IL17RC: variants seen among roughly 807,000 people sequenced by gnomAD.
IL17RC encodes interleukin 17 receptor C.
IL17RC carries 53 observed loss-of-function variants against 86.7 expected under a neutral mutation model. The observed-to-expected ratio is 0.61, with a 90% confidence interval of 0.49 to 0.77. The LOEUF (loss-of-function observed/expected upper bound fraction) is 0.77, where lower values mean the gene tolerates loss of function less well. IL17RC is among the 30% of genes least tolerant of loss of function. The pLI, the probability that IL17RC is intolerant of heterozygous loss-of-function variation, is 0.00. For missense variants in IL17RC, 957 were observed against 940.0 expected, an observed-to-expected ratio of 1.02 and a Z score of -0.24; for synonymous variants, 439 against 413.1, an observed-to-expected ratio of 1.06 and a Z score of -0.76.
chr3:9,928,955 T>C (rs752940282), intron 12 of IL17RC: 2 of 333,322 alleles, frequency 6.0e-6, no homozygotes, highest in South Asian at 6.2e-5. Context: ...ATTATTGCTA[T>C]CCTTATTCTA....
In IL17RC at chr3:9,921,624, CTTTTTT is replaced by C. The variant is rs113901070; in HGVS notation, c.622+668_622+673del. 5.9e-5 allele frequency among the ~76,000 whole-genome samples: 8 copies of C among 135,706 alleles called. No individual in the cohort carries two copies. In the South Asian group the frequency reaches 1.8e-3, roughly 31 times the overall value. The allele number at this position is 135,706 out of a possible 152,430, so 89.0% of individuals were successfully genotyped here. On this transcript the variant is annotated intron_variant, in intron 7 of 18. Transcript: ENST00000403601. ...AAAGTATGTAAAGGGTACTGATTTT[CTTTTTT>C]TTTTTTTTTTTTGAGACAGAGTCTC...
At position 9,918,057 on chromosome 3, in the gene IL17RC, G is replaced by A; in HGVS notation, c.262G>A (p.Val88Ile). 1 of 1,587,068 alleles carries A rather than the reference G, an allele frequency of 6.3e-7. No individual in the cohort carries two copies. ...CTGTGACCTCTGTCTGCGTGTGGCT[G>A]TCCACTTGGCCGTGCATGGTGAGCA... ...TDCDLCLRVA[V>I]HLAVHGHWEE... Residue 88 changes from valine (V) to isoleucine (I), a missense_variant, in exon 3 of 19, where the codon GTC becomes ATC. Val to Ile is a conservative substitution (Grantham distance 29). Coordinates refer to ENST00000403601, the MANE Select transcript of IL17RC (RefSeq NM_153460.4).
chr3:9,920,611 AC>A lies in IL17RC; in HGVS notation c.577+14del. The A allele has an allele frequency of 1.3e-6, 2 of 1,567,444 alleles. No homozygotes were observed. Among genetic ancestry groups the A allele is most frequent in the Non-Finnish European group, 1.7e-6 (2 of 1,145,536 alleles). On this transcript the variant is annotated intron_variant, in intron 6 of 18. Transcript: ENST00000403601. ...CACACAGCAGCTGCCTGGTAAGTGG[AC>A]CCCCAAGTCCTGGCCCCCTAGCCTC... is the stretch of plus-strand genomic sequence containing the variant.
intron 1 of IL17RC, 54 bp from the exon 2 acceptor site, chr3:9,917,659 C>G (rs369638195): frequency 2.8e-5 from 45 of 1,613,850 alleles, no homozygotes; most frequent in Non-Finnish European, 3.6e-5. Context: ...AGGCAGAGAA[C>G]AGTGCCTAGA....
Position 9,918,029 on chromosome 3 carries a change from C to T in IL17RC, c.234C>T (p.Thr78=), listed in dbSNP as rs4686383. 0.18 allele frequency: 296,481 copies of T among 1,608,552 alleles called. 30,020 individuals carry two copies. The highest frequency in any genetic ancestry group is 0.21 in the Non-Finnish European group (248,329 of 1,177,312). ...TELVLRCQKE[T]DCDLCLRVAV... ...TGGTGCTGAGGTGCCAGAAGGAGAC[C>T]GACTGTGACCTCTGTCTGCGTGTGG... The change falls in exon 3 of 19, where the codon ACC becomes ACT. Residue 78 remains threonine, a synonymous_variant. Coordinates refer to ENST00000403601, the MANE Select transcript of IL17RC (RefSeq NM_153460.4).
intron 7 of IL17RC, among the ~76,000 whole-genome samples, chr3:9,923,256 C>T (rs1221847857): frequency 6.8e-6 from 1 of 146,356 alleles, no homozygotes; most frequent in Non-Finnish European, 1.5e-5. Flanking sequence ...TTATTAAGGA[C>T]ACAAATGCCA....
chr3:9,932,749 G>C, intron 17 of IL17RC, 46 bp downstream of exon 17: 1 of 1,606,580 alleles, frequency 6.2e-7, no homozygotes, highest in Non-Finnish European at 8.5e-7. Flanking sequence ...GGACCAGAGT[G>C]GCTGTGGGAG....
chr3:9,924,409 T>A, intron 9 of IL17RC, 118 bp downstream of exon 9: 1 of 1,054,260 alleles, frequency 9.5e-7, no homozygotes. Flanking sequence ...AGACTGTGGC[T>A]CCCTGGGGTG....
chr3:9,930,201 C>T lies in IL17RC; in HGVS notation c.1278+52C>T. ...AGATCTCTCCAAATGCATCTCACAT[C>T]TGGCCTCAAATTTTCACTCCATCCA... On this transcript the variant is annotated intron_variant, in intron 14 of 18. Coordinates refer to ENST00000403601, the MANE Select transcript of IL17RC (RefSeq NM_153460.4). The surrounding 1 kb of genome is among the most constrained non-coding windows in gnomAD (Gnocchi z 5.8). 1 of 1,605,036 alleles carries T rather than the reference C, an allele frequency of 6.2e-7. No homozygotes were observed. Among genetic ancestry groups the T allele is most frequent in the South Asian group, 1.1e-5 (1 of 90,452 alleles).
Position 9,932,944 on chromosome 3 carries a change from C to A in IL17RC, c.1523-9C>A, listed in dbSNP as rs760331515. On this transcript the variant is annotated splice_polypyrimidine_tract_variant and intron_variant, in intron 18 of 18. Transcript: ENST00000403601. Reference sequence around the variant, plus strand: ...CACCTCTTCCCTCCCCATCTGTTTTCTCCGGCAGCGGCCGCCAGGGGCCGC... The same window carrying A: ...CACCTCTTCCCTCCCCATCTGTTTTATCCGGCAGCGGCCGCCAGGGGCCGC... 6.2e-7 allele frequency: 1 copy of A among 1,609,628 alleles called. No individual in the cohort carries two copies. Among genetic ancestry groups the A allele is most frequent in the Non-Finnish European group, 8.5e-7 (1 of 1,178,902 alleles).
In IL17RC at chr3:9,933,552, G is replaced by A. The variant is rs761099118; in HGVS notation, c.2122G>A (p.Val708Met). 6.2e-7 allele frequency: 1 copy of A among 1,606,144 alleles called. No individual in the cohort carries two copies. Among genetic ancestry groups the A allele is most frequent in the South Asian group, 1.1e-5 (1 of 90,268 alleles). The stretch of plus-strand genomic sequence containing the variant: ...GGGGACTCCCGCGCCGGGACGCGGG[G>A]TGGGACCAGGCGCGGGACCTGGGGC... Reference protein sequence around the residue: ...PPGTPAPGRGVGPGAGPGAGD... With the variant: ...PPGTPAPGRGMGPGAGPGAGD... The change falls in exon 19 of 19, where the codon GTG becomes ATG. Residue 708 changes from valine (V) to methionine (M), a missense_variant. Val to Met is a conservative substitution (Grantham distance 21, BLOSUM62 1). Transcript: ENST00000403601.
rs1226050731 is a variant in IL17RC at position 9,918,558 on chromosome 3, C to A, written c.414C>A (p.Val138=). 2.5e-6 allele frequency: 4 copies of A among 1,614,234 alleles called. No homozygotes were observed. The highest frequency in any genetic ancestry group is 3.4e-6 in the Non-Finnish European group (4 of 1,180,040). The change falls in exon 5 of 19, where the codon GTC becomes GTA. Residue 138 remains valine (V), a synonymous_variant. Transcript: ENST00000403601. ...SFQAYPTARC[V]LLEVQVPAAL... is the part of the protein sequence containing the mutation. ...AGGCCTACCCTACTGCCCGCTGCGT[C>A]CTGCTGGAGGTGCAAGTGCCTGCTG...
Position 9,930,761 on chromosome 3 carries a change from G to C in IL17RC, c.1339-134G>C, listed in dbSNP as rs2084576017. On this transcript the variant is annotated intron_variant, in intron 15 of 18. Coordinates refer to ENST00000403601, the MANE Select transcript of IL17RC (RefSeq NM_153460.4). The surrounding 1 kb of genome is among the most constrained non-coding windows in gnomAD (Gnocchi z 5.8). ...AGTCAGTGGGCACAGCACAAAGGCA[G>C]AGCAGCTGCAGGAACCTTAGCCGGG... 1.2e-6 allele frequency: 1 copy of C among 842,164 alleles called. No homozygotes were observed. Among genetic ancestry groups the C allele is most frequent in the Admixed American group, 1.7e-5 (1 of 57,484 alleles). 52.2% of individuals were successfully genotyped at this position (842,164 alleles called of 1,614,324 possible).
At chr3:9,927,489 C>T (rs530248319) in intron 9 of IL17RC, among the ~76,000 whole-genome samples, 16 of 152,238 alleles carry the variant, frequency 1.1e-4, no homozygotes, top group African/African-American at 3.1e-4. Flanking sequence ...ACCCAGGAGG[C>T]GGAGGTTGTG....
intron 12 of IL17RC, 132 bp downstream of exon 12, chr3:9,928,762 T>C: frequency 1.1e-6 from 1 of 878,528 alleles, no homozygotes; most frequent in Non-Finnish European, 1.8e-6. Context: ...CACTGCCTAC[T>C]TTAGTAGTGC....
chr3:9,926,804 G>A lies in IL17RC; in HGVS notation c.823-1362G>A, dbSNP rs576502102. Among the ~76,000 whole-genome samples the A allele has an allele frequency of 2.0e-5, 3 of 152,118 alleles. No homozygotes were observed. The South Asian group carries it at 6.2e-4, about 32-fold the overall frequency. ...TGCCCGGCTAATTTTTGTATTTTCAGTAGAGACGGGGTTTCAGCATGTTGG... is the reference window on the plus strand; with the variant it reads ...TGCCCGGCTAATTTTTGTATTTTCAATAGAGACGGGGTTTCAGCATGTTGG... On this transcript the variant is annotated intron_variant, in intron 9 of 18. Coordinates refer to ENST00000403601, the MANE Select transcript of IL17RC (RefSeq NM_153460.4).
At position 9,929,916 on chromosome 3, in the gene IL17RC, C is replaced by T. The variant is rs753234989; in HGVS notation, c.1156+19C>T. 6.2e-7 allele frequency: 1 copy of T among 1,613,998 alleles called. No individual in the cohort carries two copies. Among genetic ancestry groups the T allele is most frequent in the Non-Finnish European group, 8.5e-7 (1 of 1,179,904 alleles). ...TGGGCTGGTGAGTTGGGCCTGGGGGCAGCTGGGGCAGGGCCACCTCCTAGG... is the reference window on the plus strand; with the variant it reads ...TGGGCTGGTGAGTTGGGCCTGGGGGTAGCTGGGGCAGGGCCACCTCCTAGG... On this transcript the variant is annotated intron_variant, in intron 13 of 18. Coordinates refer to ENST00000403601, the MANE Select transcript of IL17RC (RefSeq NM_153460.4).
rs115095463 is a variant in IL17RC, at chr3:9,918,003, C to G, written c.208C>G (p.Leu70Val). ...GGCGCCTACGCACCTGCAGACAGAG[C>G]TGGTGCTGAGGTGCCAGAAGGAGAC... is the stretch of plus-strand genomic sequence containing the variant. ...VLAPTHLQTE[L>V]VLRCQKETDC... is the part of the protein sequence containing the mutation. The change falls in exon 3 of 19, where the codon CTG becomes GTG. Residue 70 changes from leucine to valine, a missense_variant. By Grantham distance (32) the Leu-to-Val change is conservative (BLOSUM62 1). Transcript: ENST00000403601. The G allele has an allele frequency of 2.2e-4, 361 of 1,613,752 alleles. 2 individuals are homozygous for G. The African/African-American group carries it at 4.4e-3, about 20-fold the overall frequency.
intron 9 of IL17RC, among the ~76,000 whole-genome samples, chr3:9,924,921 C>T (rs1359304116): frequency 6.6e-6 from 1 of 152,080 alleles, no homozygotes; most frequent in Non-Finnish European, 1.5e-5. Flanking sequence ...CCTGTCTCAG[C>T]CTCCCAAGTA....
Sources: allele counts gnomAD v4.1 joint callset (sites outside exome capture counted in the v4.1 genomes callset), GRCh38; gene constraint gnomAD v4.1.1; non-coding constraint Gnocchi (gnomAD v3.1); transcripts MANE v1.5; gene names NCBI Gene and HGNC (gene_info 2026-07-23, HGNC 2026-07-21).